Variants in RAB11FIP4 observed in about 807,000 individuals in gnomAD.
RAB11FIP4 encodes rab11 family-interacting protein 4.
RAB11FIP4 carries 23 observed loss-of-function variants against 74.3 expected under a neutral mutation model. The ratio of observed to expected loss-of-function variants is 0.31; its 90% CI spans 0.22 to 0.44. The LOEUF (loss-of-function observed/expected upper bound fraction) is 0.44. Among genes scored for constraint, RAB11FIP4 ranks in the 20% least tolerant of loss-of-function variants. The pLI, the probability that RAB11FIP4 is intolerant of heterozygous loss-of-function variation, is 1.00. For synonymous variants in RAB11FIP4, 360 were observed against 359.9 expected, an observed-to-expected ratio of 1.00 and a Z score of 0.00; for missense variants, 630 against 863.9, an observed-to-expected ratio of 0.73 and a Z score of 3.39.
chr17:31,488,254 G>A, intron 3 of RAB11FIP4: 1 of 1,167,536 alleles, frequency 8.6e-7, no homozygotes, highest in South Asian at 4.2e-5. Context: ...TGCGCACCCC[G>A]CCAGCTCTCG....
At chr17:31,453,355 CAAAAAAAAAA>C (rs747844559) in intron 3 of RAB11FIP4, among the ~76,000 whole-genome samples, 27 of 71,820 alleles carry the variant, frequency 3.8e-4, no homozygotes, top group Admixed American at 9.3e-4. Context: ...GACCCTACCT[CAAAAAAAAAA>C]AAAAAAAAAA....
chr17:31,528,393 C>A lies in RAB11FIP4; in HGVS notation c.1357-13C>A. The A allele has an allele frequency of 1.2e-6, 2 of 1,610,680 alleles. No individual in the cohort carries two copies. Among genetic ancestry groups the A allele is most frequent in the East Asian group, 4.5e-5 (2 of 44,884 alleles). On this transcript the variant is annotated splice_polypyrimidine_tract_variant and intron_variant, in intron 11 of 14. Transcript: ENST00000621161. ...GGGAACTCTCCTCCCCTGATCGGGT[C>A]TCCCTGCTCCAGGAGCGGCAGCGCA...
At chr17:31,397,321 C>T (rs1163991162) in intron 1 of RAB11FIP4, among the ~76,000 whole-genome samples, 5 of 152,106 alleles carry the variant, frequency 3.3e-5, no homozygotes, top group South Asian at 4.2e-4. Flanking sequence ...GAGGCCTCCT[C>T]GGGACTGTGG....
At chr17:31,405,141 C>G (rs536198698) in intron 1 of RAB11FIP4, among the ~76,000 whole-genome samples, 13 of 152,178 alleles carry the variant, frequency 8.5e-5, no homozygotes, top group Admixed American at 2.0e-4. Flanking sequence ...TGGGAGGCTT[C>G]TGTCCCAGTT....
chr17:31,489,848 C>T (rs1018252053), intron 3 of RAB11FIP4, among the ~76,000 whole-genome samples: 5 of 151,796 alleles, frequency 3.3e-5, no homozygotes, highest in African/African-American at 9.7e-5. Flanking sequence ...GGGGCCTGGA[C>T]TTAGGCGAAG....
At chr17:31,514,135 C>T (rs1298705970) in intron 3 of RAB11FIP4, among the ~76,000 whole-genome samples, 4 of 152,246 alleles carry the variant, frequency 2.6e-5, no homozygotes, top group African/African-American at 9.6e-5. Flanking sequence ...CCTGCTTCTG[C>T]CCTGCCTGTG....
intron 3 of RAB11FIP4, among the ~76,000 whole-genome samples, chr17:31,453,816 A>G (rs1476136818): frequency 6.6e-6 from 1 of 151,710 alleles, no homozygotes; most frequent in Non-Finnish European, 1.5e-5. Flanking sequence ...AAAAAAAAGA[A>G]AGAAAAGAAA....
Position 31,530,303 on chromosome 17 carries a change from C to T in RAB11FIP4, c.1654-23C>T, listed in dbSNP as rs201154772. 2.3e-4 allele frequency: 375 copies of T among 1,611,284 alleles called. 2 individuals are homozygous for T. The East Asian group carries it at 7.0e-3, about 30-fold the overall frequency. ...TGTGGATGCCTCTTGGGGTTGATGT[C>T]GCCTTCGTCCTTCTCTCTGTAGGAG... On this transcript the variant is annotated intron_variant, in intron 13 of 14. Transcript: ENST00000621161.
chr17:31,413,270 CACCCCCCTTTGA>C (rs1385787154), intron 1 of RAB11FIP4, among the ~76,000 whole-genome samples: 1 of 152,162 alleles, frequency 6.6e-6, no homozygotes, highest in Non-Finnish European at 1.5e-5. Flanking sequence ...TGCAGGCCAG[CACCCCCCTTTGA>C]TGAGCAGACA....
At chr17:31,497,825 T>C (rs1437484630) in intron 3 of RAB11FIP4, among the ~76,000 whole-genome samples, 1 of 152,124 alleles carries the variant, frequency 6.6e-6, no homozygotes, top group Admixed American at 6.5e-5. Context: ...GTTTTAAACC[T>C]TGTTTTCCTT....
At chr17:31,444,357 C>A (rs1031317866) in intron 3 of RAB11FIP4, among the ~76,000 whole-genome samples, 8 of 148,446 alleles carry the variant, frequency 5.4e-5, no homozygotes, top group South Asian at 2.2e-4. Flanking sequence ...ACACCCCCCC[C>A]ACCCTTCTAA....
chr17:31,463,337 G>A (rs371855693), intron 3 of RAB11FIP4, among the ~76,000 whole-genome samples: 13 of 152,250 alleles, frequency 8.5e-5, no homozygotes, highest in African/African-American at 3.1e-4. Context: ...CCTGCTACAG[G>A]TGGTGTGCAG....
chr17:31,436,746 G>GTTTTTTGGTT (rs1471704177), intron 3 of RAB11FIP4, among the ~76,000 whole-genome samples: 5 of 36,178 alleles, frequency 1.4e-4, no homozygotes, highest in Non-Finnish European at 2.7e-4. Flanking sequence ...TTTGGGTTTT[G>GTTTTTTGGTT]TTTTTTGTTT....
chr17:31,418,203 C>T (rs575435198), intron 1 of RAB11FIP4, among the ~76,000 whole-genome samples: 14 of 152,266 alleles, frequency 9.2e-5, no homozygotes, highest in African/African-American at 3.4e-4. Flanking sequence ...GCCTGGCCAA[C>T]ATGGTGAAAC....
intron 3 of RAB11FIP4, among the ~76,000 whole-genome samples, chr17:31,507,082 A>T (rs1005862821): frequency 1.6e-4 from 25 of 152,226 alleles, no homozygotes; most frequent in Admixed American, 1.3e-4. Context: ...GTTTGAGACC[A>T]GTCTGGCCAA....
intron 3 of RAB11FIP4, among the ~76,000 whole-genome samples, chr17:31,494,737 A>G (rs1477824702): frequency 6.6e-6 from 1 of 151,876 alleles, no homozygotes; most frequent in Admixed American, 6.6e-5. Context: ...GCGGCCCCCC[A>G]AAGTGCTGGG....
chr17:31,400,696 G>C (rs1192863663), intron 1 of RAB11FIP4, among the ~76,000 whole-genome samples: 4 of 152,240 alleles, frequency 2.6e-5, no homozygotes, highest in Non-Finnish European at 5.9e-5. Context: ...GAGTGAGCAA[G>C]AGGAGACTTT....
chr17:31,441,207 G>A (rs2071404425), intron 3 of RAB11FIP4, among the ~76,000 whole-genome samples: 1 of 151,976 alleles, frequency 6.6e-6, no homozygotes, highest in South Asian at 2.1e-4. Flanking sequence ...TGTATTTTCA[G>A]TAGAGATGGG....
At chr17:31,392,067 C>T in intron 1 of RAB11FIP4, 56 bp downstream of exon 1, 2 of 1,150,766 alleles carry the variant, frequency 1.7e-6, no homozygotes, top group Non-Finnish European at 2.2e-6. Context: ...CCCCGCCGCC[C>T]CTCCCCCAGC....
Sources: gnomAD v4.1 joint callset for allele counts (sites outside exome capture counted in the v4.1 genomes callset) on GRCh38, gnomAD v4.1.1 for gene constraint, MANE v1.5 for transcripts, NCBI Gene and HGNC (gene_info 2026-07-23, HGNC 2026-07-21) for gene names.